Variants in HTR1F observed in about 807,000 individuals in gnomAD.
HTR1F encodes 5-hydroxytryptamine (serotonin) receptor 1F, G protein-coupled.
A neutral mutation model predicts 24.0 loss-of-function variants in HTR1F; 17 were observed. The ratio of observed to expected loss-of-function variants is 0.71; its 90% CI spans 0.48 to 1.06. The LOEUF is 1.06. Among genes scored for constraint, HTR1F ranks in the 50% least tolerant of loss-of-function variants. HTR1F has a pLI of 0.00. For synonymous variants in HTR1F, 186 were observed against 156.8 expected (o/e 1.19, Z -1.39); for missense variants, 391 against 427.8 (o/e 0.91, Z 0.76).
At chr3:87,793,489 C>T (rs1366106091) in intron 1 of HTR1F, 2 of 152,012 alleles carry the variant, frequency 1.3e-5, no homozygotes, top group African/African-American at 4.8e-5. Flanking sequence ...AGGTCTGACT[C>T]AAGGTAGGGT....
chr3:87,946,946 G>A (rs1704725571), intron 2 of HTR1F, among the ~76,000 whole-genome samples: 1 of 152,088 alleles, frequency 6.6e-6, no homozygotes, highest in Non-Finnish European at 1.5e-5. Context: ...TTAAATCAGA[G>A]AAAGGAATGA....
chr3:87,794,304 G>T (rs1243305094), intron 1 of HTR1F, among the ~76,000 whole-genome samples: 1 of 151,958 alleles, frequency 6.6e-6, no homozygotes, highest in African/African-American at 2.4e-5. Context: ...TCACCACTTC[G>T]TGCCTTCCCT....
chr3:87,846,155 G>A (rs1296527615), intron 2 of HTR1F, among the ~76,000 whole-genome samples: 4 of 151,962 alleles, frequency 2.6e-5, no homozygotes, highest in East Asian at 1.9e-4. Flanking sequence ...AGTATGGGCC[G>A]GGTGCGGTGG....
chr3:87,978,039 GCA>G (rs917653396), intron 2 of HTR1F, among the ~76,000 whole-genome samples: 1 of 152,180 alleles, frequency 6.6e-6, no homozygotes, highest in Admixed American at 6.5e-5. Context: ...TCCAGCCATT[GCA>G]CACAGCCAGG....
intron 2 of HTR1F, among the ~76,000 whole-genome samples, chr3:87,986,628 C>G (rs1249187758): frequency 6.6e-6 from 1 of 152,044 alleles, no homozygotes; most frequent in Non-Finnish European, 1.5e-5. Context: ...TTATGGAAAC[C>G]CACATAACTC....
At chr3:87,918,680 C>T (rs1324601632) in intron 2 of HTR1F, among the ~76,000 whole-genome samples, 4 of 151,866 alleles carry the variant, frequency 2.6e-5, no homozygotes, top group African/African-American at 9.7e-5. Context: ...GTCTAAAAAC[C>T]TCTAAAGGAA....
intron 2 of HTR1F, among the ~76,000 whole-genome samples, chr3:87,907,903 T>A (rs1408907791): frequency 6.6e-6 from 1 of 152,002 alleles, no homozygotes; most frequent in Non-Finnish European, 1.5e-5. Flanking sequence ...ACTGATTATA[T>A]GTTGGAATAC....
chr3:87,937,724 C>G (rs973365888), intron 2 of HTR1F, among the ~76,000 whole-genome samples: 6 of 152,026 alleles, frequency 3.9e-5, no homozygotes. Flanking sequence ...GAGATCAAGA[C>G]CATCCTGGCT....
At chr3:87,811,693 A>G (rs776309341) in intron 1 of HTR1F, among the ~76,000 whole-genome samples, 13 of 152,156 alleles carry the variant, frequency 8.5e-5, no homozygotes, top group Non-Finnish European at 1.2e-4. Context: ...TATTCCCAAC[A>G]TGATCAATTT....
intron 2 of HTR1F, among the ~76,000 whole-genome samples, chr3:87,961,113 T>C (rs771093381): frequency 3.0e-4 from 46 of 152,148 alleles, no homozygotes; most frequent in Non-Finnish European, 6.2e-4. Context: ...AGTAAAATAC[T>C]GAAGTTTCAG....
At chr3:87,824,041 G>A (rs1413839670) in intron 2 of HTR1F, among the ~76,000 whole-genome samples, 4 of 135,984 alleles carry the variant, frequency 2.9e-5, no homozygotes, top group Middle Eastern at 3.3e-3. Flanking sequence ...GTGAGACTCC[G>A]CCTAAAAAAA....
At chr3:87,891,692 G>T (rs1394618377) in intron 2 of HTR1F, among the ~76,000 whole-genome samples, 1 of 152,058 alleles carries the variant, frequency 6.6e-6, no homozygotes, top group Non-Finnish European at 1.5e-5. Context: ...CATTATTTCA[G>T]GTCAAGTGAT....
rs550294354 is a variant in HTR1F at position 87,841,503 on chromosome 3, G to C, written c.-43+19379G>C. On this transcript the variant is annotated intron_variant, in intron 2 of 2. Coordinates refer to ENST00000319595, the MANE Select transcript of HTR1F (RefSeq NM_001322209.2). ...AACAAATATATGAAAGTGCAAGGGG[G>C]TTGGGAACTCTAGTCAGTGGAGCAA... is the stretch of plus-strand genomic sequence containing the variant. Among the ~76,000 whole-genome samples, 83 of 151,850 alleles carry C rather than the reference G, an allele frequency of 5.5e-4. 1 individual carries two copies. The highest frequency in any genetic ancestry group is 8.8e-4 in the Non-Finnish European group (60 of 68,008).
chr3:87,876,922 AGGT>A (rs1210505362), intron 2 of HTR1F, among the ~76,000 whole-genome samples: 1 of 152,174 alleles, frequency 6.6e-6, no homozygotes, highest in Non-Finnish European at 1.5e-5. Flanking sequence ...AAAATCACTA[AGGT>A]GGTAAATTTT....
intron 2 of HTR1F, among the ~76,000 whole-genome samples, chr3:87,929,186 G>C (rs1335688155): frequency 6.6e-6 from 1 of 152,162 alleles, no homozygotes; most frequent in Non-Finnish European, 1.5e-5. Context: ...GCTGCAGTGA[G>C]TGTAAAAGTA....
At chr3:87,867,771 A>G (rs376445913) in intron 2 of HTR1F, among the ~76,000 whole-genome samples, 1 of 152,176 alleles carries the variant, frequency 6.6e-6, no homozygotes, top group East Asian at 1.9e-4. Context: ...GAAATACACT[A>G]TGGTTGAGGT....
intron 1 of HTR1F, among the ~76,000 whole-genome samples, chr3:87,810,986 C>T (rs1378759940): frequency 1.3e-5 from 2 of 152,112 alleles, no homozygotes; most frequent in African/African-American, 4.8e-5. Context: ...ATTGCTATTC[C>T]CCAGATAACT....
At chr3:87,849,701 T>C (rs978893278) in intron 2 of HTR1F, among the ~76,000 whole-genome samples, 11 of 151,706 alleles carry the variant, frequency 7.3e-5, no homozygotes, top group African/African-American at 2.2e-4. Flanking sequence ...ATTTTTGCAA[T>C]CTACTCATCT....
intron 2 of HTR1F, among the ~76,000 whole-genome samples, chr3:87,846,809 G>C (rs1376797271): frequency 6.6e-6 from 1 of 151,806 alleles, no homozygotes; most frequent in Non-Finnish European, 1.5e-5. Flanking sequence ...AAGATTTATA[G>C]CTTTTGAAAG....
Sources: allele counts gnomAD v4.1 joint callset (sites outside exome capture counted in the v4.1 genomes callset), GRCh38; gene constraint gnomAD v4.1.1; transcripts MANE v1.5; gene names NCBI Gene and HGNC (gene_info 2026-07-23, HGNC 2026-07-21).